Variants in ARFGAP3 observed in about 807,000 individuals in gnomAD.
ARFGAP3 encodes ADP-ribosylation factor GTPase-activating protein 3.
ARFGAP3 carries 72 observed loss-of-function variants against 75.0 expected under a neutral mutation model. The ratio of observed to expected loss-of-function variants is 0.96; its 90% confidence interval spans 0.79 to 1.17. The LOEUF is 1.17. Among genes scored for constraint, ARFGAP3 ranks in the 50% most tolerant of loss-of-function variants. ARFGAP3 has a pLI of 0.00. For synonymous variants in ARFGAP3, 221 were observed against 217.9 expected (o/e 1.01, Z -0.13); for missense variants, 620 against 626.6 (o/e 0.99, Z 0.11).
chr22:42,843,239 C>G (rs919413654), intron 2 of ARFGAP3, among the ~76,000 whole-genome samples: 1 of 152,224 alleles, frequency 6.6e-6, no homozygotes, highest in East Asian at 1.9e-4. Context: ...AGTGTGGCAG[C>G]TAAAGCGCTC....
intron 5 of ARFGAP3, 199 bp from the exon 6 acceptor site, chr22:42,831,835 T>G (rs1926303447): frequency 6.7e-6 from 5 of 746,816 alleles, no homozygotes; most frequent in African/African-American, 1.9e-5. Context: ...CAGGCTAGAG[T>G]GCAGAAGCAC....
intron 9 of ARFGAP3, among the ~76,000 whole-genome samples, chr22:42,820,620 A>G (rs780214971): frequency 6.6e-6 from 1 of 152,226 alleles, no homozygotes; most frequent in African/African-American, 2.4e-5. Flanking sequence ...TACAGTCTAT[A>G]GTAACTCAAG....
intron 7 of ARFGAP3, among the ~76,000 whole-genome samples, chr22:42,826,021 C>T (rs1926022658): frequency 6.6e-6 from 1 of 152,130 alleles, no homozygotes; most frequent in Non-Finnish European, 1.5e-5. Flanking sequence ...CTTTTCATTA[C>T]TTTCTTTCAG....
chr22:42,805,360 T>C (rs1925072235), intron 14 of ARFGAP3, among the ~76,000 whole-genome samples: 1 of 152,168 alleles, frequency 6.6e-6, no homozygotes, highest in Non-Finnish European at 1.5e-5. Context: ...CTTCTATTGA[T>C]TTAAATTACA....
intron 5 of ARFGAP3, among the ~76,000 whole-genome samples, chr22:42,833,949 A>G (rs1926408603): frequency 6.6e-6 from 1 of 152,216 alleles, no homozygotes; most frequent in Admixed American, 6.5e-5. Context: ...ATAGGGCATT[A>G]GCTCTCAAGG....
At chr22:42,847,489 C>T (rs763389065) in intron 2 of ARFGAP3, 25 bp downstream of exon 2, 3 of 1,576,284 alleles carry the variant, frequency 1.9e-6, no homozygotes, top group Admixed American at 3.4e-5. Context: ...ATCAATCTCA[C>T]CCCAATGAGA....
intron 9 of ARFGAP3, among the ~76,000 whole-genome samples, chr22:42,820,313 T>C (rs1925756527): frequency 6.6e-6 from 1 of 152,220 alleles, no homozygotes; most frequent in Non-Finnish European, 1.5e-5. Flanking sequence ...ACGTAAATTT[T>C]TGTACACAAA....
intron 7 of ARFGAP3, among the ~76,000 whole-genome samples, chr22:42,824,722 C>T (rs953621484): frequency 2.0e-5 from 3 of 152,018 alleles, no homozygotes; most frequent in African/African-American, 4.8e-5. Context: ...AGGGAGTACA[C>T]GTGCAGTTTT....
At chr22:42,806,923 G>GT (rs1569136626) in intron 14 of ARFGAP3, 150 bp downstream of exon 14, 1 of 768,284 alleles carries the variant, frequency 1.3e-6, no homozygotes, top group Non-Finnish European at 2.0e-6. Flanking sequence ...GCCTGGAATA[G>GT]TAACTTCTGC....
At chr22:42,799,557 C>T (rs1379302361) in intron 14 of ARFGAP3, among the ~76,000 whole-genome samples, 2 of 152,140 alleles carry the variant, frequency 1.3e-5, no homozygotes, top group Non-Finnish European at 2.9e-5. Flanking sequence ...TCACCTCCTC[C>T]CTCTTTTGGT....
chr22:42,846,299 T>C (rs1297330499), intron 2 of ARFGAP3, among the ~76,000 whole-genome samples: 1 of 152,194 alleles, frequency 6.6e-6, no homozygotes. Flanking sequence ...CTGCACAAGT[T>C]GTCCTGGCAA....
At chr22:42,829,746 G>C (rs1926202776) in intron 6 of ARFGAP3, among the ~76,000 whole-genome samples, 1 of 152,086 alleles carries the variant, frequency 6.6e-6, no homozygotes, top group African/African-American at 2.4e-5. Context: ...TTCCTTTTAT[G>C]AGATTTGAAT....
At chr22:42,809,012 T>C (rs1033005295) in intron 12 of ARFGAP3, 122 bp from the exon 13 acceptor site, 2 of 1,186,788 alleles carry the variant, frequency 1.7e-6, no homozygotes, top group East Asian at 2.9e-5. Context: ...TTTAGGCTGT[T>C]TTTAAAAGCC....
chr22:42,853,161 TAATAA>T (rs200486918), intron 1 of ARFGAP3, among the ~76,000 whole-genome samples: 1,541 of 152,376 alleles, frequency 0.01, 27 homozygotes, highest in African/African-American at 0.035. Flanking sequence ...AATTATCTTA[TAATAA>T]GAGTTTCTTT....
chr22:42,830,152 G>C lies in ARFGAP3; in HGVS notation c.565+1397C>G, dbSNP rs555224582. On this transcript the variant is annotated intron_variant, in intron 6 of 15. Transcript: ENST00000263245. ...TATTTTTTTTAGAGTCCGGGTCTCTGTCACCCACGCTGGAGAGTGCAGTGG... is the reference window on the plus strand; with the variant it reads ...TATTTTTTTTAGAGTCCGGGTCTCTCTCACCCACGCTGGAGAGTGCAGTGG... Among the ~76,000 whole-genome samples, 5 of 152,134 alleles carry C rather than the reference G, an allele frequency of 3.3e-5. No individual in the cohort carries two copies. In the South Asian group the frequency reaches 1.0e-3, roughly 32 times the overall value.
At chr22:42,842,358 A>G (rs1926824301) in intron 2 of ARFGAP3, among the ~76,000 whole-genome samples, 1 of 146,184 alleles carries the variant, frequency 6.8e-6, no homozygotes, top group African/African-American at 2.6e-5. Context: ...ATGTTGCCCA[A>G]GATGGTCTAG....
chr22:42,839,875 T>TA (rs1005867244), intron 3 of ARFGAP3, among the ~76,000 whole-genome samples: 2 of 152,172 alleles, frequency 1.3e-5, no homozygotes, highest in African/African-American at 4.8e-5. Flanking sequence ...TTATTTATAA[T>TA]AAAATATCCC....
intron 2 of ARFGAP3, among the ~76,000 whole-genome samples, chr22:42,843,522 C>T (rs1353289151): frequency 2.6e-5 from 4 of 152,146 alleles, no homozygotes; most frequent in Non-Finnish European, 5.9e-5. Context: ...GCGCAAGCCA[C>T]CATGCCCGGC....
At chr22:42,803,388 A>G (rs375979771) in intron 14 of ARFGAP3, among the ~76,000 whole-genome samples, 2 of 152,168 alleles carry the variant, frequency 1.3e-5, no homozygotes, top group African/African-American at 4.8e-5. Context: ...GGACCTCACA[A>G]ACAACCTACC....
Sources: allele counts gnomAD v4.1 joint callset (sites outside exome capture counted in the v4.1 genomes callset), GRCh38; gene constraint gnomAD v4.1.1; transcripts MANE v1.5; gene names NCBI Gene and HGNC (gene_info 2026-07-23, HGNC 2026-07-21).